The following CWC27 variants were observed in gnomAD, a reference collection of about 807,000 sequenced individuals.
The protein encoded by CWC27 is CWC27 spliceosome associated cyclophilin, also known as spliceosome-associated protein CWC27 homolog.
A neutral mutation model predicts 63.6 loss-of-function variants in CWC27; 47 were observed. The ratio of observed to expected loss-of-function variants is 0.74; its 90% CI spans 0.58 to 0.94. The LOEUF (loss-of-function observed/expected upper bound fraction) is 0.94. CWC27 is among the 40% of genes least tolerant of loss of function. The pLI is 0.00. For missense variants in CWC27, 495 were observed against 554.3 expected, an observed-to-expected ratio of 0.89 and a Z score of 1.07; for synonymous variants, 175 against 179.8, an observed-to-expected ratio of 0.97 and a Z score of 0.22.
intron 13 of CWC27, among the ~76,000 whole-genome samples, chr5:65,017,663 T>C (rs898650616): frequency 6.6e-5 from 10 of 152,154 alleles, no homozygotes; most frequent in African/African-American, 2.4e-4. Flanking sequence ...GGAAAGAGAG[T>C]CATAACACCA....
intron 11 of CWC27, among the ~76,000 whole-genome samples, chr5:64,907,274 C>T (rs533046483): frequency 1.1e-4 from 16 of 152,232 alleles, no homozygotes; most frequent in South Asian, 8.3e-4. Context: ...GCCATTTTCA[C>T]GATATTGATT....
chr5:64,826,076 AATCTATCT>A lies in CWC27; in HGVS notation c.938+21722_938+21729del, dbSNP rs148024057. ...TTGTATAAGCTAATTCTTTGTAATA[AATCTATCT>A]ATCTATCTATCTATCTATCTATCTA... On this transcript the variant is annotated intron_variant, in intron 10 of 13. Transcript: ENST00000381070. Among the ~76,000 whole-genome samples, 1,399 of 148,414 alleles carry A rather than the reference AATCTATCT, an allele frequency of 9.4e-3. 12 individuals carry two copies. Among genetic ancestry groups the A allele is most frequent in the African/African-American group, 0.03 (1,201 of 39,720 alleles).
In CWC27 at chr5:64,803,147, A is replaced by G. The variant is rs538447166; in HGVS notation, c.781-1082A>G. Among the ~76,000 whole-genome samples, 20 of 152,318 alleles carry G rather than the reference A, an allele frequency of 1.3e-4. No individual in the cohort carries two copies. In the South Asian group the frequency reaches 1.4e-3, roughly 11 times the overall value. ...GAATTTTAGGTGTTAATAAACAACTATGTAATACCATCTAAGGACCAGACT... is the reference window on the plus strand; with the variant it reads ...GAATTTTAGGTGTTAATAAACAACTGTGTAATACCATCTAAGGACCAGACT... On this transcript the variant is annotated intron_variant, in intron 9 of 13. Coordinates refer to ENST00000381070, the MANE Select transcript of CWC27 (RefSeq NM_005869.4).
intron 6 of CWC27, among the ~76,000 whole-genome samples, chr5:64,788,750 G>A (rs1405647211): frequency 6.6e-6 from 1 of 151,946 alleles, no homozygotes; most frequent in East Asian, 1.9e-4. Flanking sequence ...TTGGTGCTGT[G>A]AGGCAAAAGC....
chr5:64,788,894 A>G (rs1743975342), intron 6 of CWC27, 57 bp from the exon 7 acceptor site: 3 of 1,186,016 alleles, frequency 2.5e-6, no homozygotes, highest in Non-Finnish European at 3.7e-6. Context: ...TAAGGTATTT[A>G]TAAGTTTGAT....
chr5:64,769,154 A>G lies in CWC27; in HGVS notation c.8A>G (p.Asn3Ser), dbSNP rs752901182. 5 of 1,613,994 alleles carry G rather than the reference A, an allele frequency of 3.1e-6. No homozygotes were observed. In the African/African-American group the frequency reaches 5.3e-5, roughly 17 times the overall value. MS[N>S]IYIQEPPTNG... is the part of the protein sequence containing the mutation. ...TCCTTTGTACTGACCAAGATGAGCA[A>G]CATCTACATCCAGGAGCCTCCCACG... Residue 3 changes from asparagine to serine, a missense_variant, in exon 1 of 14, where the codon AAC becomes AGC. This residue lies in a region of CWC27 where 463 missense variants were observed against 498.1 expected (regional missense o/e 0.93). Transcript: ENST00000381070.
At chr5:64,808,770 A>G (rs1277381422) in intron 10 of CWC27, among the ~76,000 whole-genome samples, 2 of 152,132 alleles carry the variant, frequency 1.3e-5, no homozygotes, top group Non-Finnish European at 2.9e-5. Flanking sequence ...TTAATTAATT[A>G]TGTTCCATTA....
At chr5:64,970,917 C>T (rs929558103) in intron 11 of CWC27, among the ~76,000 whole-genome samples, 1 of 149,456 alleles carries the variant, frequency 6.7e-6, no homozygotes, top group Non-Finnish European at 1.5e-5. Flanking sequence ...TCTGGCTTAT[C>T]GTTTGTCTTC....
intron 10 of CWC27, among the ~76,000 whole-genome samples, chr5:64,866,068 G>A (rs906418185): frequency 2.0e-5 from 3 of 152,018 alleles, no homozygotes; most frequent in Admixed American, 6.6e-5. Context: ...CAAGTCACTG[G>A]AACTTGAGAA....
chr5:64,770,810 C>T (rs761039693), intron 1 of CWC27, among the ~76,000 whole-genome samples: 14 of 152,160 alleles, frequency 9.2e-5, no homozygotes, highest in Admixed American at 6.5e-5. Context: ...GGTTATACTG[C>T]TGGTCAAGGA....
intron 11 of CWC27, among the ~76,000 whole-genome samples, chr5:64,897,133 C>T (rs766669114): frequency 1.3e-5 from 2 of 151,966 alleles, no homozygotes; most frequent in Non-Finnish European, 2.9e-5. Flanking sequence ...TGCTAGAACC[C>T]GGGAGGCAGA....
chr5:64,816,998 C>G (rs753076911), intron 10 of CWC27, among the ~76,000 whole-genome samples: 1 of 152,102 alleles, frequency 6.6e-6, no homozygotes, highest in Non-Finnish European at 1.5e-5. Flanking sequence ...CCAAATCTAC[C>G]TATCTGCATC....
At chr5:64,961,368 A>G (rs1748905405) in intron 11 of CWC27, among the ~76,000 whole-genome samples, 1 of 152,160 alleles carries the variant, frequency 6.6e-6, no homozygotes, top group Non-Finnish European at 1.5e-5. Flanking sequence ...ACTGATGGTT[A>G]TAGTGATGTT....
In CWC27 at chr5:64,824,218, T is replaced by G. The variant is rs143198182; in HGVS notation, c.938+19832T>G. Among the ~76,000 whole-genome samples, 9 of 152,320 alleles carry G rather than the reference T, an allele frequency of 5.9e-5. No homozygotes were observed. In the East Asian group the frequency reaches 1.7e-3, roughly 29 times the overall value. On this transcript the variant is annotated intron_variant, in intron 10 of 13. Transcript: ENST00000381070. ...TAAATATAGCACTTATAGAAACACT[T>G]CAAATCTTACTAAAGAAAACAAACA...
rs966007127 is a variant in CWC27 at position 64,780,432 on chromosome 5, T to C, written c.140-1489T>C. 4.0e-5 allele frequency among the ~76,000 whole-genome samples: 6 copies of C among 150,584 alleles called. No individual in the cohort carries two copies. In the South Asian group the frequency reaches 1.2e-3, roughly 31 times the overall value. On this transcript the variant is annotated intron_variant, in intron 2 of 13. Transcript: ENST00000381070. ...TATACAAATATATATATTTTGGATA[T>C]ATATATAAACAATCGATTCTTTTGG...
At chr5:64,979,572 G>C (rs1385808122) in intron 13 of CWC27, among the ~76,000 whole-genome samples, 2 of 152,148 alleles carry the variant, frequency 1.3e-5, no homozygotes, top group East Asian at 3.8e-4. Context: ...CTCAGGAAAG[G>C]AATCTTATAT....
intron 10 of CWC27, among the ~76,000 whole-genome samples, chr5:64,866,728 T>A (rs1303616335): frequency 4.6e-5 from 7 of 152,084 alleles, no homozygotes. Flanking sequence ...TCTCTATTAT[T>A]GACTTCTAAT....
intron 11 of CWC27, among the ~76,000 whole-genome samples, chr5:64,916,184 A>C (rs1442617898): frequency 6.6e-6 from 1 of 152,238 alleles, no homozygotes; most frequent in African/African-American, 2.4e-5. Context: ...AAGATTTTCC[A>C]TATTTGCTTA....
Position 64,782,000 on chromosome 5 carries a change from T to C in CWC27, c.219T>C (p.Ser73=), listed in dbSNP as rs1208853313. 1 of 1,593,814 alleles carries C rather than the reference T, an allele frequency of 6.3e-7. No individual in the cohort carries two copies. The highest frequency in any genetic ancestry group is 1.3e-5 in the African/African-American group (1 of 74,522). The change falls in exon 3 of 14, where the codon AGT becomes AGC. Residue 73 remains serine (S), a synonymous_variant. Transcript: ENST00000381070. ...GCGGAGATCCTACTGGCACAGGGAGTGGTGGAGAGTCTATCTATGGAGCGC... is the reference window on the plus strand; with the variant it reads ...GCGGAGATCCTACTGGCACAGGGAGCGGTGGAGAGTCTATCTATGGAGCGC... ...VQGGDPTGTG[S]GGESIYGAPF... is the part of the protein sequence containing the mutation.
Sources: gnomAD v4.1 joint callset for allele counts (sites outside exome capture counted in the v4.1 genomes callset) on GRCh38, gnomAD v4.1.1 for gene constraint, gnomAD v4.1.1 regional missense constraint, MANE v1.5 for transcripts, NCBI Gene and HGNC (gene_info 2026-07-23, HGNC 2026-07-21) for gene names.